FMN1: variants seen among roughly 807,000 people sequenced by gnomAD.
FMN1 encodes formin-1.
Under a neutral mutation model 132.4 loss-of-function variants are expected in FMN1, and 110 were observed. That is an observed-to-expected ratio of 0.83 (90% CI 0.71 to 0.97). The LOEUF is 0.97. Ranked by LOEUF, FMN1 falls within the 50% of genes least tolerant of loss-of-function variation. FMN1 has a pLI of 0.00. For missense variants in FMN1, 1,792 were observed against 1,705.3 expected (o/e 1.05, Z -0.90); for synonymous variants, 722 against 651.7 (o/e 1.11, Z -1.64).
chr15:32,885,158 C>T (rs952618240), intron 16 of FMN1, among the ~76,000 whole-genome samples: 31 of 152,200 alleles, frequency 2.0e-4, no homozygotes. Flanking sequence ...TGTAATGTGC[C>T]TATTTGTATG....
At chr15:33,023,561 A>T (rs345852) in intron 6 of FMN1, among the ~76,000 whole-genome samples, 131,420 of 152,120 alleles carry the variant, frequency 0.86, 57,463 homozygotes, top group Middle Eastern at 0.93. Context: ...TACTCAACAG[A>T]CATTGAAATA....
chr15:33,153,146 A>C lies in FMN1; in HGVS notation c.1769T>G (p.Leu590Arg). 5 of 1,536,086 alleles carry C rather than the reference A, an allele frequency of 3.3e-6. No individual in the cohort carries two copies. Among genetic ancestry groups the C allele is most frequent in the African/African-American group, 1.4e-5 (1 of 73,150 alleles). ...TETKGASPAF[L>R]RAGQPRLVPG... ...CACCAACCGAGGTTGGCCTGCTCTG[A>C]GGAAGGCCGGGCTGGCTCCTTTGGT... is the stretch of plus-strand genomic sequence containing the variant. Residue 590 changes from leucine to arginine, a missense_variant, in exon 4 of 21, where the codon CTC (leucine) becomes CGC (arginine). By Grantham distance (102) the Leu-to-Arg change is moderately radical. This residue lies in a region of FMN1 where 1,150 missense variants were observed against 1,043.1 expected (regional missense o/e 1.10). Coordinates refer to ENST00000616417, the MANE Select transcript of FMN1 (RefSeq NM_001277313.2).
intron 5 of FMN1, among the ~76,000 whole-genome samples, chr15:33,083,138 T>C (rs1056201720): frequency 6.6e-6 from 1 of 152,224 alleles, no homozygotes; most frequent in Non-Finnish European, 1.5e-5. Context: ...ATACACTGTA[T>C]ATTTCGTCTT....
At chr15:33,176,396 C>T (rs1278541484) in intron 3 of FMN1, among the ~76,000 whole-genome samples, 4 of 151,520 alleles carry the variant, frequency 2.6e-5, no homozygotes, top group Non-Finnish European at 4.4e-5. Flanking sequence ...GTCCCAGCTA[C>T]TTGGGAGGCT....
At chr15:32,915,164 T>C (rs1388312138) in intron 10 of FMN1, among the ~76,000 whole-genome samples, 3 of 152,044 alleles carry the variant, frequency 2.0e-5, no homozygotes, top group Non-Finnish European at 4.4e-5. Flanking sequence ...GTCTGAAAAA[T>C]AAAAAGGCCT....
chr15:33,036,487 C>T (rs1406590845), intron 6 of FMN1, among the ~76,000 whole-genome samples: 3 of 152,122 alleles, frequency 2.0e-5, no homozygotes, highest in South Asian at 2.1e-4. Context: ...AGAAATGTCC[C>T]TATATTTATG....
At chr15:33,032,847 G>GC (rs1250539852) in intron 6 of FMN1, among the ~76,000 whole-genome samples, 2 of 151,294 alleles carry the variant, frequency 1.3e-5, no homozygotes, top group African/African-American at 4.9e-5. Context: ...ACCTGGGGGG[G>GC]TTATTTTACT....
At chr15:32,806,751 G>A (rs1258803) in intron 17 of FMN1, among the ~76,000 whole-genome samples, 149,531 of 152,304 alleles carry the variant, frequency 0.98, 73,474 homozygotes, top group Middle Eastern at 1. Flanking sequence ...TCCTCTCTGG[G>A]ACACCCTGAC....
intron 5 of FMN1, among the ~76,000 whole-genome samples, chr15:33,087,971 A>G (rs1233243056): frequency 6.6e-6 from 1 of 152,142 alleles, no homozygotes; most frequent in African/African-American, 2.4e-5. Flanking sequence ...GGAAAACCAA[A>G]CATTCTATGT....
Position 32,766,848 on chromosome 15 carries a change from G to A in FMN1, c.*7462C>T, listed in dbSNP as rs2056065601. ...TAGGAAAGAAATAGCCATGGAATATGAAGGAAAAGGACGAGGAAACAGAAG... is the reference window on the plus strand; with the variant it reads ...TAGGAAAGAAATAGCCATGGAATATAAAGGAAAAGGACGAGGAAACAGAAG... On this transcript the variant is annotated 3_prime_UTR_variant, in exon 21 of 21. Transcript: ENST00000616417. 1 of 152,332 alleles carries A rather than the reference G, an allele frequency of 6.6e-6. No individual in the cohort carries two copies. Among genetic ancestry groups the A allele is most frequent in the Non-Finnish European group, 1.5e-5 (1 of 68,144 alleles). 9.4% of individuals were successfully genotyped at this position (152,332 alleles called of 1,614,324 possible).
At chr15:32,846,096 AAC>A (rs1171177070) in intron 17 of FMN1, among the ~76,000 whole-genome samples, 1 of 152,196 alleles carries the variant, frequency 6.6e-6, no homozygotes, top group Non-Finnish European at 1.5e-5. Flanking sequence ...ATCACTTAAA[AAC>A]ACAACATTTT....
intron 17 of FMN1, among the ~76,000 whole-genome samples, chr15:32,834,878 G>C (rs1052463946): frequency 2.0e-5 from 3 of 152,166 alleles, no homozygotes; most frequent in East Asian, 3.8e-4. Flanking sequence ...TCACCACACA[G>C]AGAAATCTAA....
Position 33,012,103 on chromosome 15 carries a change from TC to T in FMN1, c.2162-4029del, listed in dbSNP as rs1596467300. ...ACAGCACCAAAGGAAGCATTGTCTC[TC>T]TTCCCACTGCTGTCATGTCTGCACA... On this transcript the variant is annotated intron_variant, in intron 6 of 20. Transcript: ENST00000616417. The T allele has an allele frequency of 1.2e-5, 5 of 413,948 alleles. No individual in the cohort carries two copies. In the East Asian group the frequency reaches 2.5e-4, roughly 20 times the overall value. 25.6% of individuals were successfully genotyped at this position (413,948 alleles called of 1,614,324 possible).
At chr15:33,001,574 C>A (rs2034111904) in intron 7 of FMN1, among the ~76,000 whole-genome samples, 1 of 131,862 alleles carries the variant, frequency 7.6e-6, no homozygotes, top group African/African-American at 2.8e-5. Context: ...CTTCCCCCCC[C>A]ACCTCCCCCC....
At chr15:32,809,200 T>G (rs2057786925) in intron 17 of FMN1, among the ~76,000 whole-genome samples, 1 of 152,124 alleles carries the variant, frequency 6.6e-6, no homozygotes, top group Non-Finnish European at 1.5e-5. Flanking sequence ...CTGGATCACT[T>G]CCCCAATACC....
intron 6 of FMN1, among the ~76,000 whole-genome samples, chr15:33,029,010 C>A (rs560860770): frequency 6.6e-6 from 1 of 152,254 alleles, no homozygotes; most frequent in African/African-American, 2.4e-5. Flanking sequence ...GAATGTTTCA[C>A]CTAAGAAATG....
chr15:32,871,190 A>C (rs373399341), intron 16 of FMN1, among the ~76,000 whole-genome samples: 265 of 152,294 alleles, frequency 1.7e-3, no homozygotes, highest in African/African-American at 6.1e-3. Flanking sequence ...TATACACACA[A>C]AGACATTTGA....
At chr15:32,880,009 G>T (rs2059727499) in intron 16 of FMN1, among the ~76,000 whole-genome samples, 1 of 151,890 alleles carries the variant, frequency 6.6e-6, no homozygotes, top group South Asian at 2.1e-4. Flanking sequence ...AATTTTATGT[G>T]ATTATTTGGT....
chr15:32,894,821 C>T (rs1004282121), intron 15 of FMN1, among the ~76,000 whole-genome samples: 3 of 141,798 alleles, frequency 2.1e-5, no homozygotes, highest in Non-Finnish European at 4.5e-5. Context: ...TATTCAGAAA[C>T]ATTTTAATGT....
Sources: allele counts gnomAD v4.1 joint callset (sites outside exome capture counted in the v4.1 genomes callset), GRCh38; gene constraint gnomAD v4.1.1; regional missense constraint gnomAD v4.1.1; transcripts MANE v1.5; gene names NCBI Gene and HGNC (gene_info 2026-07-23, HGNC 2026-07-21).